The following GRM7 variants were observed in gnomAD, a reference collection of about 807,000 sequenced individuals.
GRM7 encodes the protein glutamate metabotropic receptor 7, also known as metabotropic glutamate receptor 7.
A neutral mutation model predicts 84.5 loss-of-function variants in GRM7; 35 were observed. The ratio of observed to expected loss-of-function variants is 0.41; its 90% CI spans 0.32 to 0.55. GRM7 has a LOEUF of 0.55. GRM7 is among the 20% of genes least tolerant of loss of function. GRM7 has a pLI of 0.19. For missense variants in GRM7, 1,003 were observed against 1,194.6 expected (o/e 0.84, Z 2.36); for synonymous variants, 487 against 455.1 (o/e 1.07, Z -0.89).
At position 7,109,111 on chromosome 3, in the gene GRM7, T is replaced by C. The variant is rs1033081604; in HGVS notation, c.520-37341T>C. The stretch of plus-strand genomic sequence containing the variant: ...GAGCATAAAAGAGGCTGATATGAAA[T>C]GAGAAGAAAGATACACTCCTTCTTT... On this transcript the variant is annotated intron_variant, in intron 1 of 9. Transcript: ENST00000357716. Among the ~76,000 whole-genome samples, 51 of 152,104 alleles carry C rather than the reference T, an allele frequency of 3.4e-4. 1 individual carries two copies. Among genetic ancestry groups the C allele is most frequent in the African/African-American group, 1.1e-3 (45 of 41,512 alleles).
chr3:6,996,189 CAGGCGCCCGCCACCAA>C (rs1253321846), intron 1 of GRM7, among the ~76,000 whole-genome samples: 2 of 152,082 alleles, frequency 1.3e-5, no homozygotes, highest in Non-Finnish European at 2.9e-5. Context: ...GCTGGGACTA[CAGGCGCCCGCCACCAA>C]GCCTGGCTCA....
intron 1 of GRM7, among the ~76,000 whole-genome samples, chr3:7,123,098 C>T (rs1275911383): frequency 3.3e-5 from 5 of 152,224 alleles, no homozygotes; most frequent in African/African-American, 1.2e-4. Flanking sequence ...GGTAAATGCA[C>T]GATTCATGCA....
At chr3:7,416,962 G>C (rs574903336) in intron 5 of GRM7, among the ~76,000 whole-genome samples, 1 of 152,168 alleles carries the variant, frequency 6.6e-6, no homozygotes, top group African/African-American at 2.4e-5. Context: ...AGAGTGTCTG[G>C]AAGGTGGAAT....
intron 5 of GRM7, among the ~76,000 whole-genome samples, chr3:7,431,668 C>T (rs1196842219): frequency 1.3e-5 from 2 of 152,116 alleles, no homozygotes; most frequent in East Asian, 1.9e-4. Context: ...TAATAGCAAA[C>T]ACCTCATTGG....
intron 2 of GRM7, among the ~76,000 whole-genome samples, chr3:7,222,938 T>C (rs956943972): frequency 6.6e-6 from 1 of 152,216 alleles, no homozygotes; most frequent in Non-Finnish European, 1.5e-5. Context: ...TCAACATAAA[T>C]GACAGCATAT....
intron 8 of GRM7, among the ~76,000 whole-genome samples, chr3:7,627,186 T>C (rs908085406): frequency 5.9e-5 from 9 of 152,206 alleles, no homozygotes; most frequent in Non-Finnish European, 1.3e-4. Flanking sequence ...ATGTGTTTTT[T>C]AAATCACTTT....
intron 9 of GRM7, among the ~76,000 whole-genome samples, chr3:7,725,485 C>T (rs766529735): frequency 2.0e-5 from 3 of 152,098 alleles, no homozygotes; most frequent in Non-Finnish European, 2.9e-5. Flanking sequence ...AAATCAACTC[C>T]TGAGACATCA....
At chr3:7,347,109 A>G (rs1164959961) in intron 4 of GRM7, among the ~76,000 whole-genome samples, 2 of 152,138 alleles carry the variant, frequency 1.3e-5, no homozygotes, top group African/African-American at 2.4e-5. Context: ...CAACTTTTCA[A>G]TCAATCCAGG....
intron 4 of GRM7, among the ~76,000 whole-genome samples, chr3:7,365,576 A>C (rs1693842521): frequency 6.7e-6 from 1 of 149,962 alleles, no homozygotes; most frequent in East Asian, 2.0e-4. Context: ...TCAATAATCA[A>C]CTTTATAAAA....
intron 8 of GRM7, among the ~76,000 whole-genome samples, chr3:7,609,080 G>A (rs1575550733): frequency 6.6e-6 from 1 of 152,110 alleles, no homozygotes; most frequent in East Asian, 1.9e-4. Context: ...CTATGTGCCT[G>A]TTTTTGTACC....
rs551932261 is a variant in GRM7, at chr3:7,246,646, G to A, written c.737-52038G>A. Among the ~76,000 whole-genome samples the A allele has an allele frequency of 5.9e-5, 9 of 152,196 alleles. No individual in the cohort carries two copies. The South Asian group carries it at 1.2e-3, about 21-fold the overall frequency. ...TCTAAATAGACTGGCACTGGGTAAC[G>A]TCCATATGGGCCTTGTGTGTCTGAG... On this transcript the variant is annotated intron_variant, in intron 2 of 9. Transcript: ENST00000357716.
At chr3:7,508,763 G>C (rs1409172460) in intron 7 of GRM7, among the ~76,000 whole-genome samples, 2 of 152,130 alleles carry the variant, frequency 1.3e-5, no homozygotes, top group Non-Finnish European at 2.9e-5. Context: ...CTTTGGGAAG[G>C]TATCAATGTC....
intron 1 of GRM7, among the ~76,000 whole-genome samples, chr3:7,114,199 C>A (rs1487515071): frequency 6.6e-6 from 1 of 152,098 alleles, no homozygotes; most frequent in Non-Finnish European, 1.5e-5. Flanking sequence ...CAGATATGAA[C>A]AATAGCACAT....
At chr3:7,124,432 G>A (rs1220926762) in intron 1 of GRM7, among the ~76,000 whole-genome samples, 2 of 152,134 alleles carry the variant, frequency 1.3e-5, no homozygotes, top group African/African-American at 2.4e-5. Context: ...CTTCAACCCG[G>A]GAGGCGGAGG....
intron 1 of GRM7, among the ~76,000 whole-genome samples, chr3:7,136,531 C>T (rs1199158011): frequency 2.0e-5 from 3 of 151,962 alleles, no homozygotes; most frequent in Admixed American, 6.6e-5. Context: ...CTCCTACATT[C>T]CCCAAAAAAG....
chr3:7,144,888 G>A (rs1170229034), intron 1 of GRM7, among the ~76,000 whole-genome samples: 2 of 152,188 alleles, frequency 1.3e-5, no homozygotes, highest in Non-Finnish European at 2.9e-5. Context: ...TAAGTCAGGG[G>A]CAGAAAGCCT....
chr3:7,474,883 A>C (rs760570242), intron 7 of GRM7, among the ~76,000 whole-genome samples: 12 of 152,336 alleles, frequency 7.9e-5, no homozygotes, highest in Admixed American at 3.3e-4. Flanking sequence ...AAGCAGGCAG[A>C]GATAGAACTA....
intron 2 of GRM7, among the ~76,000 whole-genome samples, chr3:7,197,422 C>A (rs1695914432): frequency 6.6e-6 from 1 of 152,162 alleles, no homozygotes; most frequent in African/African-American, 2.4e-5. Flanking sequence ...TTCTTTCAGA[C>A]CTTTATCCTT....
chr3:7,444,623 T>G (rs908277382), intron 5 of GRM7, among the ~76,000 whole-genome samples: 1 of 152,280 alleles, frequency 6.6e-6, no homozygotes, highest in Admixed American at 6.5e-5. Flanking sequence ...GTTTGGAGTG[T>G]GTAAACATTG....
Sources: allele counts gnomAD v4.1 joint callset (sites outside exome capture counted in the v4.1 genomes callset), GRCh38; gene constraint gnomAD v4.1.1; transcripts MANE v1.5; gene names NCBI Gene and HGNC (gene_info 2026-07-23, HGNC 2026-07-21).